TCP10L: variants seen among roughly 807,000 people sequenced by gnomAD.
TCP10L encodes the protein T-complex protein 10A homolog 1.
TCP10L carries 11 observed loss-of-function variants against 19.2 expected under a neutral mutation model. The observed-to-expected ratio is 0.57, with a 90% CI of 0.36 to 0.95. The LOEUF is 0.95. Ranked by LOEUF, TCP10L falls within the 40% of genes least tolerant of loss-of-function variation. The pLI, the probability that TCP10L is intolerant of heterozygous loss-of-function variation, is 0.01. For missense variants in TCP10L, 247 were observed against 263.9 expected (o/e 0.94, Z 0.44); for synonymous variants, 96 against 97.2 (o/e 0.99, Z 0.07).
At position 32,576,069 on chromosome 21, in the gene TCP10L, A is replaced by C; in HGVS notation, c.*705T>G. The C allele has an allele frequency of 1.9e-4, 86 of 449,478 alleles. No homozygotes were observed. The highest frequency in any genetic ancestry group is 6.6e-4 in the Middle Eastern group (1 of 1,516). The allele number at this position is 449,478 out of a possible 1,614,324, so 27.8% of individuals were successfully genotyped here. A position where few individuals can be genotyped will look rare whatever the true frequency, so the allele number is the denominator to read the frequency against. On this transcript the variant is annotated 3_prime_UTR_variant, in exon 5 of 5. Transcript: ENST00000300258. ...TCACAGGTGAGGACCCAACGAGGGA[A>C]TCAGACAAAAAGTGGCCACAAATTA...
chr21:32,581,553 C>T (rs573376596), intron 3 of TCP10L, among the ~76,000 whole-genome samples: 426 of 152,260 alleles, frequency 2.8e-3, no homozygotes, highest in African/African-American at 9.9e-3. Context: ...CAGACACTGC[C>T]GTGGGGTCAG....
intron 2 of TCP10L, among the ~76,000 whole-genome samples, chr21:32,583,106 C>T (rs555913716): frequency 2.8e-5 from 4 of 140,354 alleles, no homozygotes; most frequent in African/African-American, 1.1e-4. Context: ...GCAGTCTCAG[C>T]TCACTGCAAC....
rs1030514471 is a variant in TCP10L at position 32,575,149 on chromosome 21, C to T, written c.*1625G>A. 9.2e-5 allele frequency: 14 copies of T among 152,364 alleles called. No homozygotes were observed. The highest frequency in any genetic ancestry group is 2.7e-4 in the African/African-American group (11 of 41,452). 9.4% of individuals were successfully genotyped at this position (152,364 alleles called of 1,614,324 possible). A position where few individuals can be genotyped will look rare whatever the true frequency, so the allele number is the denominator to read the frequency against. On this transcript the variant is annotated 3_prime_UTR_variant, in exon 5 of 5. Transcript: ENST00000300258. ...ATGATGCCTGGAGGTTGCGGAGATA[C>T]TAGCAGGTGTGTGTGAGAGGCAAGG...
chr21:32,579,666 A>G (rs2038470583), intron 3 of TCP10L, among the ~76,000 whole-genome samples: 1 of 152,198 alleles, frequency 6.6e-6, no homozygotes, highest in African/African-American at 2.4e-5. Flanking sequence ...CTAATCTCAA[A>G]ATAAGAGAAT....
chr21:32,584,039 T>C (rs2038529368), intron 2 of TCP10L, 122 bp downstream of exon 2: 4 of 1,298,170 alleles, frequency 3.1e-6, no homozygotes, highest in Non-Finnish European at 4.2e-6. Context: ...ACAGAATCAG[T>C]GTCCCGGGGT....
Position 32,574,596 on chromosome 21 carries a change from G to T in TCP10L, c.*2178C>A. The T allele has an allele frequency of 5.7e-6, 1 of 174,386 alleles. No homozygotes were observed. Among genetic ancestry groups the T allele is most frequent in the South Asian group, 1.8e-4 (1 of 5,578 alleles). 10.8% of individuals were successfully genotyped at this position (174,386 alleles called of 1,614,324 possible). A position where few individuals can be genotyped will look rare whatever the true frequency, so the allele number is the denominator to read the frequency against. The stretch of plus-strand genomic sequence containing the variant: ...CCTACCTGCAGCTCTGCAATGTTTG[G>T]GGAAGAAGCAGTGAACTCATCAGGT... On this transcript the variant is annotated 3_prime_UTR_variant, in exon 5 of 5. Coordinates refer to ENST00000300258, the MANE Select transcript of TCP10L (RefSeq NM_144659.7).
rs1313620798 is a variant in TCP10L, at chr21:32,573,860, A to G, written c.*2914T>C. On this transcript the variant is annotated 3_prime_UTR_variant, in exon 5 of 5. Coordinates refer to ENST00000300258, the MANE Select transcript of TCP10L (RefSeq NM_144659.7). ...CACAGAGACATACAAATAACATACA[A>G]ATAACACCTGCCATGACTGTGGCAC... is the stretch of plus-strand genomic sequence containing the variant. 1.3e-5 allele frequency among the ~76,000 whole-genome samples: 2 copies of G among 152,134 alleles called. No homozygotes were observed. The highest frequency in any genetic ancestry group is 4.8e-5 in the African/African-American group (2 of 41,434).
Position 32,576,197 on chromosome 21 carries a change from C to T in TCP10L, c.*577G>A. ...CACGGGGAGCATAGAAACAGGAGTC[C>T]CCAACTCTGCTCACCAGCTCCTCCG... On this transcript the variant is annotated 3_prime_UTR_variant, in exon 5 of 5. Coordinates refer to ENST00000300258, the MANE Select transcript of TCP10L (RefSeq NM_144659.7). The T allele has an allele frequency of 2.1e-6, 3 of 1,395,878 alleles. No homozygotes were observed. Among genetic ancestry groups the T allele is most frequent in the Admixed American group, 3.9e-5 (2 of 50,792 alleles). 86.5% of individuals were successfully genotyped at this position (1,395,878 alleles called of 1,614,324 possible).
rs540882723 is a variant in TCP10L, at chr21:32,584,757, G to A, written c.-1-452C>T. ...GGGTGTGAGCAGGTGTGAGTGGAGG[G>A]TCGCATGAGACACCGAGGGAATTCT... is the stretch of plus-strand genomic sequence containing the variant. On this transcript the variant is annotated intron_variant, in intron 1 of 4. Transcript: ENST00000300258. 3.9e-5 allele frequency among the ~76,000 whole-genome samples: 6 copies of A among 152,172 alleles called. No homozygotes were observed. In the South Asian group the frequency reaches 1.2e-3, roughly 32 times the overall value.
intron 3 of TCP10L, among the ~76,000 whole-genome samples, chr21:32,580,482 G>C: frequency 7.1e-6 from 1 of 140,824 alleles, no homozygotes; most frequent in African/African-American, 2.8e-5. Flanking sequence ...GTGCCTGTGT[G>C]TGTGTGTGTG....
chr21:32,580,808 A>G (rs903188990), intron 3 of TCP10L, among the ~76,000 whole-genome samples: 1 of 152,154 alleles, frequency 6.6e-6, no homozygotes, highest in Non-Finnish European at 1.5e-5. Flanking sequence ...GGTGTGATCA[A>G]ACGTGAAAGC....
At position 32,573,879 on chromosome 21, in the gene TCP10L, G is replaced by A. The variant is rs540291894; in HGVS notation, c.*2895C>T. ...CATACAAATAACACCTGCCATGACT[G>A]TGGCACTGTTTCTAAATGCAGATCA... is the stretch of plus-strand genomic sequence containing the variant. On this transcript the variant is annotated 3_prime_UTR_variant, in exon 5 of 5. Transcript: ENST00000300258. 4.1e-4 allele frequency among the ~76,000 whole-genome samples: 63 copies of A among 152,226 alleles called. No individual in the cohort carries two copies. Among genetic ancestry groups the A allele is most frequent in the African/African-American group, 1.4e-3 (59 of 41,518 alleles).
intron 4 of TCP10L, chr21:32,577,319 T>C (rs2833911): frequency 0.2 from 35,330 of 178,730 alleles, 3,606 homozygotes; most frequent in East Asian, 0.29. Context: ...AGGTCAATGA[T>C]GGAGCATGAG....
At chr21:32,583,208 T>C (rs982982712) in intron 2 of TCP10L, among the ~76,000 whole-genome samples, 2 of 151,892 alleles carry the variant, frequency 1.3e-5, no homozygotes, top group African/African-American at 2.4e-5. Context: ...CTAATTTTTC[T>C]ATTGTTAGTA....
chr21:32,583,364 C>A (rs555332987), intron 2 of TCP10L, among the ~76,000 whole-genome samples: 1 of 151,488 alleles, frequency 6.6e-6, no homozygotes, highest in Non-Finnish European at 1.5e-5. Flanking sequence ...CCGAGGCGGG[C>A]GGATCACGAG....
In TCP10L at chr21:32,573,805, C is replaced by T. The variant is rs2038401931; in HGVS notation, c.*2969G>A. Among the ~76,000 whole-genome samples, 1 of 151,992 alleles carries T rather than the reference C, an allele frequency of 6.6e-6. No individual in the cohort carries two copies. Among genetic ancestry groups the T allele is most frequent in the African/African-American group, 2.4e-5 (1 of 41,376 alleles). On this transcript the variant is annotated 3_prime_UTR_variant, in exon 5 of 5. Coordinates refer to ENST00000300258, the MANE Select transcript of TCP10L (RefSeq NM_144659.7). ...GGGTCAGGGTGGCCACAGTGACAAC[C>T]GCCACATTCAACACCTGATACAAAT...
Position 32,578,973 on chromosome 21 carries a change from A to T in TCP10L, c.361-142T>A. 7.3e-7 allele frequency: 1 copy of T among 1,363,778 alleles called. No homozygotes were observed. The highest frequency in any genetic ancestry group is 9.9e-7 in the Non-Finnish European group (1 of 1,012,622). 84.5% of individuals were successfully genotyped at this position (1,363,778 alleles called of 1,614,324 possible). On this transcript the variant is annotated intron_variant, in intron 3 of 4. Coordinates refer to ENST00000300258, the MANE Select transcript of TCP10L (RefSeq NM_144659.7). This position sits in a 1 kb window ranked among gnomAD's most constrained non-coding sequence, Gnocchi z 4.2. ...GGACTTGGACTGGGTTTTCCCCCTA[A>T]TATGTTGATAAGAACAGAAACCCTC...
Position 32,582,259 on chromosome 21 carries a change from A to C in TCP10L, c.301T>G (p.Trp101Gly). 1 of 1,614,084 alleles carries C rather than the reference A, an allele frequency of 6.2e-7. No individual in the cohort carries two copies. Among genetic ancestry groups the C allele is most frequent in the Non-Finnish European group, 8.5e-7 (1 of 1,180,016 alleles). The change falls in exon 3 of 5, where the codon TGG (tryptophan) becomes GGG (glycine). Residue 101 changes from tryptophan (W) to glycine (G), a missense_variant. Trp to Gly is a radical substitution (Grantham distance 184). Coordinates refer to ENST00000300258, the MANE Select transcript of TCP10L (RefSeq NM_144659.7). The surrounding 1 kb of genome is among the most constrained non-coding windows in gnomAD (Gnocchi z 4.2). ...GCTGCAGATTTCTTCCTGGCTTTCC[A>C]CCGCTGCAGCTGCAGAGCTCTCAGC... Reference protein sequence around the residue: ...EKLRALQLQRWKARKKSAASP... With the variant: ...EKLRALQLQRGKARKKSAASP...
rs955660690 is a variant in TCP10L at position 32,578,547 on chromosome 21, A to G, written c.498+147T>C. Reference sequence around the variant, plus strand: ...TTAGGATCTTGTTTGAAAGGCATGTACCCGTGTCCTTGGAAGAACACAGGA... The same window carrying G: ...TTAGGATCTTGTTTGAAAGGCATGTGCCCGTGTCCTTGGAAGAACACAGGA... On this transcript the variant is annotated intron_variant, in intron 4 of 4. Coordinates refer to ENST00000300258, the MANE Select transcript of TCP10L (RefSeq NM_144659.7). This position sits in a 1 kb window ranked among gnomAD's most constrained non-coding sequence, Gnocchi z 4.2. The G allele has an allele frequency of 1.6e-6, 2 of 1,222,148 alleles. No individual in the cohort carries two copies. Among genetic ancestry groups the G allele is most frequent in the African/African-American group, 3.0e-5 (2 of 65,798 alleles). The allele number at this position is 1,222,148 out of a possible 1,614,324, so 75.7% of individuals were successfully genotyped here.
Sources: allele counts gnomAD v4.1 joint callset (sites outside exome capture counted in the v4.1 genomes callset), GRCh38; gene constraint gnomAD v4.1.1; non-coding constraint Gnocchi (gnomAD v3.1); transcripts MANE v1.5; gene names NCBI Gene and HGNC (gene_info 2026-07-23, HGNC 2026-07-21).